Variants in EPHA3 observed in about 807,000 individuals in gnomAD.
EPHA3 encodes EPH receptor A3.
EPHA3 carries 42 observed loss-of-function variants against 107.1 expected under a neutral mutation model. That is an observed-to-expected ratio of 0.39 (90% CI 0.31 to 0.51). The LOEUF (loss-of-function observed/expected upper bound fraction) is 0.51, where lower values mean the gene tolerates loss of function less well. EPHA3 is among the 20% of genes least tolerant of loss of function. The pLI, the probability that EPHA3 is intolerant of heterozygous loss-of-function variation, is 0.78. For missense variants in EPHA3, 1,183 were observed against 1,211.2 expected (o/e 0.98, Z 0.35); for synonymous variants, 461 against 424.8 (o/e 1.09, Z -1.05).
At chr3:89,384,105 T>A (rs77297207) in intron 5 of EPHA3, among the ~76,000 whole-genome samples, 4,753 of 152,220 alleles carry the variant, frequency 0.031, 240 homozygotes, top group African/African-American at 0.11. Flanking sequence ...GATTTATTGT[T>A]CAGACTAAAA....
At chr3:89,209,538 T>C (rs1298627018) in intron 2 of EPHA3, among the ~76,000 whole-genome samples, 2 of 152,038 alleles carry the variant, frequency 1.3e-5, no homozygotes, top group African/African-American at 2.4e-5. Context: ...CAAAAACATA[T>C]GAGAAAATAA....
chr3:89,454,022 A>T (rs1458767969), intron 15 of EPHA3, among the ~76,000 whole-genome samples: 1 of 151,838 alleles, frequency 6.6e-6, no homozygotes, highest in Non-Finnish European at 1.5e-5. Flanking sequence ...ATGTTCTATT[A>T]TATTCTTTCT....
At chr3:89,254,523 T>C (rs1474958972) in intron 3 of EPHA3, among the ~76,000 whole-genome samples, 4 of 152,180 alleles carry the variant, frequency 2.6e-5, no homozygotes, top group African/African-American at 7.2e-5. Flanking sequence ...AAACTCTATC[T>C]TGATAACATT....
At chr3:89,432,404 G>T (rs748931238) in intron 13 of EPHA3, among the ~76,000 whole-genome samples, 3 of 151,186 alleles carry the variant, frequency 2.0e-5, no homozygotes, top group East Asian at 3.9e-4. Flanking sequence ...TGTTTTTTAG[G>T]CAGGGTCTCA....
chr3:89,203,885 T>C (rs1706036386), intron 2 of EPHA3, among the ~76,000 whole-genome samples: 1 of 152,114 alleles, frequency 6.6e-6, no homozygotes, highest in African/African-American at 2.4e-5. Context: ...CTAGGGGTAT[T>C]AAGGAACTAG....
intron 3 of EPHA3, among the ~76,000 whole-genome samples, chr3:89,333,637 G>T (rs1707336294): frequency 6.6e-6 from 1 of 152,148 alleles, no homozygotes; most frequent in Non-Finnish European, 1.5e-5. Flanking sequence ...AGTTTGGGAG[G>T]TTGAGGCGGG....
At chr3:89,242,647 C>A (rs920007875) in intron 3 of EPHA3, among the ~76,000 whole-genome samples, 7 of 152,232 alleles carry the variant, frequency 4.6e-5, no homozygotes, top group African/African-American at 1.7e-4. Context: ...CCATGTTAGC[C>A]AGGATGGTCT....
intron 2 of EPHA3, among the ~76,000 whole-genome samples, chr3:89,141,004 A>G (rs908389487): frequency 6.6e-6 from 1 of 151,692 alleles, no homozygotes; most frequent in African/African-American, 2.4e-5. Context: ...AAGTTTTACA[A>G]GAGAGAACAG....
At chr3:89,161,782 G>A (rs1704948172) in intron 2 of EPHA3, among the ~76,000 whole-genome samples, 1 of 151,882 alleles carries the variant, frequency 6.6e-6, no homozygotes, top group Non-Finnish European at 1.5e-5. Context: ...TTCAATACCA[G>A]CCTGGGCAGC....
At chr3:89,453,103 C>A (rs936082196) in intron 15 of EPHA3, among the ~76,000 whole-genome samples, 4 of 152,198 alleles carry the variant, frequency 2.6e-5, no homozygotes, top group African/African-American at 9.6e-5. Context: ...ATTCACCTGA[C>A]AGTTTAACAA....
intron 1 of EPHA3, among the ~76,000 whole-genome samples, chr3:89,108,171 T>C (rs532585069): frequency 6.6e-6 from 1 of 152,316 alleles, no homozygotes; most frequent in East Asian, 1.9e-4. Context: ...GGCAGTATTT[T>C]ATTTTCTAAT....
intron 5 of EPHA3, among the ~76,000 whole-genome samples, chr3:89,372,955 AATACAT>A (rs1708336648): frequency 6.6e-6 from 1 of 151,804 alleles, no homozygotes; most frequent in Non-Finnish European, 1.5e-5. Context: ...AGTTTGATCA[AATACAT>A]ATATCTTGAT....
At chr3:89,140,048 A>G (rs891073713) in intron 2 of EPHA3, among the ~76,000 whole-genome samples, 3 of 151,790 alleles carry the variant, frequency 2.0e-5, no homozygotes, top group East Asian at 3.9e-4. Context: ...TAGGATTATT[A>G]TTAGCTTTCC....
At chr3:89,114,133 G>A (rs1707192179) in intron 1 of EPHA3, among the ~76,000 whole-genome samples, 1 of 152,336 alleles carries the variant, frequency 6.6e-6, no homozygotes, top group East Asian at 1.9e-4. Context: ...AAACTGTTGT[G>A]AATATTCCTC....
At chr3:89,169,838 T>C (rs1442455945) in intron 2 of EPHA3, among the ~76,000 whole-genome samples, 1 of 152,230 alleles carries the variant, frequency 6.6e-6, no homozygotes, top group Non-Finnish European at 1.5e-5. Context: ...TATTTTCTGA[T>C]AGTAGAAATT....
intron 3 of EPHA3, among the ~76,000 whole-genome samples, chr3:89,272,841 A>T: frequency 6.6e-6 from 1 of 151,940 alleles, no homozygotes. Flanking sequence ...TTGATGACAT[A>T]GGATTTAAAG....
At chr3:89,169,041 A>G (rs1189020075) in intron 2 of EPHA3, among the ~76,000 whole-genome samples, 1 of 152,172 alleles carries the variant, frequency 6.6e-6, no homozygotes, top group Non-Finnish European at 1.5e-5. Flanking sequence ...GTCTGTCTGG[A>G]GACAACTGTT....
At chr3:89,472,921 C>A (rs757551476) in intron 16 of EPHA3, among the ~76,000 whole-genome samples, 12 of 152,004 alleles carry the variant, frequency 7.9e-5, no homozygotes, top group Non-Finnish European at 1.8e-4. Context: ...AGACTCAAGC[C>A]CCTAATTTAA....
At chr3:89,185,898 G>A (rs988419374) in intron 2 of EPHA3, among the ~76,000 whole-genome samples, 4 of 152,022 alleles carry the variant, frequency 2.6e-5, no homozygotes, top group African/African-American at 9.7e-5. Context: ...ATTTTGAGAG[G>A]AATAGCCCCT....
Sources: gnomAD v4.1 joint callset for allele counts (sites outside exome capture counted in the v4.1 genomes callset) on GRCh38, gnomAD v4.1.1 for gene constraint, MANE v1.5 for transcripts, NCBI Gene and HGNC (gene_info 2026-07-23, HGNC 2026-07-21) for gene names.